PDSS1: variants seen among roughly 807,000 people sequenced by gnomAD.
The protein encoded by PDSS1 is decaprenyl diphosphate synthase subunit 1, also known as all trans-polyprenyl-diphosphate synthase PDSS1.
In PDSS1, 43 loss-of-function variants were observed where a neutral mutation model predicts 57.5. That is an observed-to-expected ratio of 0.75 (90% confidence interval 0.59 to 0.96). The LOEUF (loss-of-function observed/expected upper bound fraction) is 0.96, where lower values mean the gene tolerates loss of function less well. Among genes scored for constraint, PDSS1 ranks in the 50% least tolerant of loss-of-function variants. PDSS1 has a pLI of 0.00. For missense variants in PDSS1, 438 were observed against 527.8 expected (o/e 0.83, Z 1.67); for synonymous variants, 175 against 191.3 (o/e 0.91, Z 0.70).
intron 5 of PDSS1, among the ~76,000 whole-genome samples, chr10:26,712,501 C>T (rs1835432585): frequency 1.0e-5 from 1 of 99,254 alleles, no homozygotes; most frequent in Non-Finnish European, 2.3e-5. Context: ...GCAGAGACAG[C>T]GTCCGGCATG....
chr10:26,741,450 CACTCCAGCCTGTGTGATGGAGCAAG>C (rs957733594), intron 10 of PDSS1, among the ~76,000 whole-genome samples: 2 of 151,898 alleles, frequency 1.3e-5, no homozygotes, highest in African/African-American at 2.4e-5. Flanking sequence ...GCCACTGCAC[CACTCCAGCCTGTGTGATGGAGCAAG>C]ACTCCATCAC....
rs1836612311 is a variant in PDSS1 at position 26,741,623 on chromosome 10, C to T, written c.1027-874C>T. Among the ~76,000 whole-genome samples, 3 of 152,334 alleles carry T rather than the reference C, an allele frequency of 2.0e-5. No individual in the cohort carries two copies. The South Asian group carries it at 6.2e-4, about 32-fold the overall frequency. On this transcript the variant is annotated intron_variant, in intron 10 of 11. Coordinates refer to ENST00000376215, the MANE Select transcript of PDSS1 (RefSeq NM_014317.5). ...AGCTCTGCACATAATGCCCTCTGCTCAGAAACCTCAGTAGCTTTCAGTTGG... is the reference window on the plus strand; with the variant it reads ...AGCTCTGCACATAATGCCCTCTGCTTAGAAACCTCAGTAGCTTTCAGTTGG...
In PDSS1 at chr10:26,705,295, C is replaced by T; in HGVS notation, c.237C>T (p.His79=). The change falls in exon 4 of 12, where the codon CAC becomes CAT. Residue 79 remains histidine, a synonymous_variant. Transcript: ENST00000376215. ...TTTTTGCATGTCCCAGGTTTCATCA[C>T]ACAACCCCAGACAGTAAAACACACA... The part of the protein sequence containing the change: ...PNVCRISRFH[H]TTPDSKTHSG... The T allele has an allele frequency of 6.2e-7, 1 of 1,606,694 alleles. No individual in the cohort carries two copies. Among genetic ancestry groups the T allele is most frequent in the African/African-American group, 1.3e-5 (1 of 74,856 alleles).
chr10:26,735,704 A>G, intron 10 of PDSS1, 125 bp downstream of exon 10: 1 of 715,228 alleles, frequency 1.4e-6, no homozygotes. Flanking sequence ...AAGAGATCAC[A>G]GGTCTGCATT....
rs752284524 is a variant in PDSS1, at chr10:26,709,757, TAAC to T, written c.460_462del (p.Asn154del). On this transcript the variant is annotated inframe_deletion, in exon 5 of 12. Coordinates refer to ENST00000376215, the MANE Select transcript of PDSS1 (RefSeq NM_014317.5). ...TGGCCCGAGCATGCAATATTCATCA[TAAC>T]AACTCCCGGTGAGCTCTTTTTTTCA... 1 of 1,614,094 alleles carries T rather than the reference TAAC, an allele frequency of 6.2e-7. No homozygotes were observed. Among genetic ancestry groups the T allele is most frequent in the Admixed American group, 1.7e-5 (1 of 60,010 alleles).
chr10:26,704,127 T>C (rs1235803987), intron 2 of PDSS1, among the ~76,000 whole-genome samples: 1 of 133,374 alleles, frequency 7.5e-6, no homozygotes, highest in Non-Finnish European at 1.6e-5. Context: ...TACATGTTCA[T>C]TAGAGAAGAA....
rs1348366649 is a variant in PDSS1, at chr10:26,711,611, C to A, written c.467+1843C>A. Among the ~76,000 whole-genome samples the A allele has an allele frequency of 4.0e-5, 4 of 99,114 alleles. 2 individuals carry two copies. Among genetic ancestry groups the A allele is most frequent in the Non-Finnish European group, 9.4e-5 (4 of 42,726 alleles). 65.0% of individuals were successfully genotyped at this position (99,114 alleles called of 152,430 possible). A position where few individuals can be genotyped will look rare whatever the true frequency, so the allele number is the denominator to read the frequency against. ...CTCTGAGCCAAACTTGAAATAACAT[C>A]TCCTGCAGTCCAGAGCAGAGTTCCG... is the stretch of plus-strand genomic sequence containing the variant. On this transcript the variant is annotated intron_variant, in intron 5 of 11. Coordinates refer to ENST00000376215, the MANE Select transcript of PDSS1 (RefSeq NM_014317.5).
chr10:26,725,109 A>G (rs1835909534), intron 8 of PDSS1, among the ~76,000 whole-genome samples: 1 of 152,166 alleles, frequency 6.6e-6, no homozygotes, highest in South Asian at 2.1e-4. Flanking sequence ...CAGTCTCTCC[A>G]TAGAATTGTT....
At chr10:26,720,937 G>C (rs1221841754) in intron 6 of PDSS1, among the ~76,000 whole-genome samples, 4 of 152,148 alleles carry the variant, frequency 2.6e-5, no homozygotes, top group Non-Finnish European at 4.4e-5. Context: ...TGAAGGATGA[G>C]AATAAAGTTG....
At chr10:26,700,496 T>C (rs552829224) in intron 1 of PDSS1, among the ~76,000 whole-genome samples, 22 of 152,172 alleles carry the variant, frequency 1.4e-4, no homozygotes, top group African/African-American at 4.8e-4. Flanking sequence ...CCAATTATAT[T>C]TGGGGACCAG....
In PDSS1 at chr10:26,697,809, G is replaced by A. The variant is rs1206270382; in HGVS notation, c.98G>A (p.Gly33Glu). ...PGSPGRAGPL[G>E]PSAAAEVRAQ... Reference sequence around the variant, plus strand: ...TCCCCCGGCCGTGCGGGACCGTTGGGGCCGAGCGCCGCTGCCGAAGTCCGC... The same window carrying A: ...TCCCCCGGCCGTGCGGGACCGTTGGAGCCGAGCGCCGCTGCCGAAGTCCGC... Residue 33 changes from glycine to glutamate, a missense_variant, in exon 1 of 12, where the codon GGG becomes GAG. Physicochemically the swap from Gly to Glu is moderately conservative, Grantham distance 98. Transcript: ENST00000376215. The A allele has an allele frequency of 1.5e-6, 2 of 1,342,276 alleles. No homozygotes were observed. Among genetic ancestry groups the A allele is most frequent in the African/African-American group, 1.5e-5 (1 of 66,408 alleles). The allele number at this position is 1,342,276 out of a possible 1,614,324, so 83.1% of individuals were successfully genotyped here. A position where few individuals can be genotyped will look rare whatever the true frequency, so the allele number is the denominator to read the frequency against.
At chr10:26,737,716 C>A (rs1297602141) in intron 10 of PDSS1, among the ~76,000 whole-genome samples, 1 of 113,148 alleles carries the variant, frequency 8.8e-6, no homozygotes, top group African/African-American at 3.9e-5. Flanking sequence ...GAGTGAGACT[C>A]CGTCTCAAAA....
At chr10:26,720,427 C>T in intron 6 of PDSS1, 68 bp downstream of exon 6, 2 of 1,062,614 alleles carry the variant, frequency 1.9e-6, no homozygotes, top group Non-Finnish European at 2.9e-6. Flanking sequence ...GCATTTGTTT[C>T]TCAGATTTGT....
intron 6 of PDSS1, among the ~76,000 whole-genome samples, chr10:26,721,679 C>T (rs1235043620): frequency 6.6e-6 from 1 of 152,162 alleles, no homozygotes; most frequent in Non-Finnish European, 1.5e-5. Context: ...CCATCCCTGC[C>T]GTCAGCTGTA....
intron 10 of PDSS1, among the ~76,000 whole-genome samples, chr10:26,740,073 C>T (rs893876201): frequency 2.0e-5 from 3 of 148,460 alleles, no homozygotes; most frequent in African/African-American, 7.6e-5. Context: ...ACCCGGGAGG[C>T]GGAGGTTGCA....
chr10:26,740,242 T>G (rs909340024), intron 10 of PDSS1, among the ~76,000 whole-genome samples: 3 of 151,924 alleles, frequency 2.0e-5, no homozygotes, highest in African/African-American at 7.3e-5. Flanking sequence ...TATAGGAGTT[T>G]GAGGCTGCAG....
At chr10:26,704,807 A>AT (rs1835157554) in intron 3 of PDSS1, 66 bp downstream of exon 3, 57 of 921,234 alleles carry the variant, frequency 6.2e-5, no homozygotes, top group Middle Eastern at 5.6e-4. Context: ...TTGTTTAAAA[A>AT]ATTTTTTTTG....
chr10:26,719,999 C>A, intron 5 of PDSS1: 1 of 615,326 alleles, frequency 1.6e-6, no homozygotes, highest in Non-Finnish European at 2.8e-6. Context: ...ACAATTTCTA[C>A]TTCTTCAATG....
intron 4 of PDSS1, among the ~76,000 whole-genome samples, chr10:26,705,873 T>C (rs1244359012): frequency 6.6e-6 from 1 of 152,160 alleles, no homozygotes; most frequent in Admixed American, 6.5e-5. Flanking sequence ...ATATGAAGAA[T>C]GCAATATGTA....
Sources: allele counts gnomAD v4.1 joint callset (sites outside exome capture counted in the v4.1 genomes callset), GRCh38; gene constraint gnomAD v4.1.1; transcripts MANE v1.5; gene names NCBI Gene and HGNC (gene_info 2026-07-23, HGNC 2026-07-21).